The following DYRK1A variants were observed in gnomAD, a reference collection of about 807,000 sequenced individuals.
The protein encoded by DYRK1A is dual specificity tyrosine phosphorylation regulated kinase 1A, also known as dual specificity tyrosine-phosphorylation-regulated kinase 1A.
Under a neutral mutation model 79.7 loss-of-function variants are expected in DYRK1A, and 9 were observed. That is an observed-to-expected ratio of 0.11 (90% CI 0.07 to 0.20). The LOEUF is 0.20. Among genes scored for constraint, DYRK1A ranks in the 10% least tolerant of loss-of-function variants. The pLI, the probability that DYRK1A is intolerant of heterozygous loss-of-function variation, is 1.00. For synonymous variants in DYRK1A, 349 were observed against 329.7 expected (o/e 1.06, Z -0.63); for missense variants, 622 against 956.0 (o/e 0.65, Z 4.61).
At chr21:37,447,998 G>GT (rs1233936151) in intron 2 of DYRK1A, among the ~76,000 whole-genome samples, 1 of 152,176 alleles carries the variant, frequency 6.6e-6, no homozygotes, top group Non-Finnish European at 1.5e-5. Context: ...TCTTCAAGGT[G>GT]TTAAGAGCTG....
At chr21:37,394,002 C>T (rs913777627) in intron 1 of DYRK1A, among the ~76,000 whole-genome samples, 1 of 152,168 alleles carries the variant, frequency 6.6e-6, no homozygotes, top group South Asian at 2.1e-4. Context: ...AAGCCACAGG[C>T]CAGCCCAGAT....
intron 1 of DYRK1A, among the ~76,000 whole-genome samples, chr21:37,413,728 C>G (rs1435467284): frequency 6.6e-6 from 1 of 152,158 alleles, no homozygotes; most frequent in South Asian, 2.1e-4. Flanking sequence ...ATTGGGCCAC[C>G]TCTTCTAAGT....
intron 2 of DYRK1A, among the ~76,000 whole-genome samples, chr21:37,441,579 G>GT (rs1866579312): frequency 6.6e-6 from 1 of 151,756 alleles, no homozygotes; most frequent in South Asian, 2.1e-4. Context: ...AAATTTAGTG[G>GT]TTTCTCTTTA....
chr21:37,428,038 A>T (rs2050675796), intron 2 of DYRK1A, among the ~76,000 whole-genome samples: 1 of 152,164 alleles, frequency 6.6e-6, no homozygotes, highest in Non-Finnish European at 1.5e-5. Context: ...ACTCCTAATG[A>T]TAACTCTGGT....
chr21:37,477,788 G>C (rs367860374), intron 3 of DYRK1A, among the ~76,000 whole-genome samples: 1 of 152,192 alleles, frequency 6.6e-6, no homozygotes, highest in African/African-American at 2.4e-5. Context: ...AGTTGCCTCT[G>C]AGGGCTGGGT....
At chr21:37,412,492 G>A (rs2050262372) in intron 1 of DYRK1A, among the ~76,000 whole-genome samples, 1 of 152,146 alleles carries the variant, frequency 6.6e-6, no homozygotes, top group African/African-American at 2.4e-5. Flanking sequence ...CCTGAATCAG[G>A]ATTTTTGGGA....
intron 2 of DYRK1A, among the ~76,000 whole-genome samples, chr21:37,459,521 T>C (rs1439393121): frequency 9.0e-6 from 1 of 111,266 alleles, no homozygotes; most frequent in Non-Finnish European, 2.0e-5. Context: ...AAGTACTTTC[T>C]GTCTCACAGT....
chr21:37,481,731 C>T (rs989640838), intron 5 of DYRK1A: 5 of 152,054 alleles, frequency 3.3e-5, no homozygotes, highest in South Asian at 2.1e-4. Flanking sequence ...TCGGGTCAGG[C>T]GTGGTGACTC....
intron 1 of DYRK1A, among the ~76,000 whole-genome samples, chr21:37,374,075 C>G (rs914164945): frequency 6.6e-6 from 1 of 152,042 alleles, no homozygotes; most frequent in East Asian, 1.9e-4. Context: ...GATTTTGGGT[C>G]TAATAACAGT....
chr21:37,377,866 C>T (rs1465580621), intron 1 of DYRK1A, among the ~76,000 whole-genome samples: 1 of 152,218 alleles, frequency 6.6e-6, no homozygotes, highest in Non-Finnish European at 1.5e-5. Context: ...TTAAACAATG[C>T]TGGTGCGTAC....
intron 7 of DYRK1A, among the ~76,000 whole-genome samples, chr21:37,490,833 G>A (rs1415674493): frequency 6.6e-6 from 1 of 151,932 alleles, no homozygotes; most frequent in Non-Finnish European, 1.5e-5. Context: ...AAGATTAAGG[G>A]AGAGAATAGG....
At position 37,512,663 on chromosome 21, in the gene DYRK1A, A is replaced by AT. The variant is rs36065358; in HGVS notation, c.*142dup. 0.27 allele frequency: 255,373 copies of AT among 931,850 alleles called. 26,092 individuals are homozygous for AT. The highest frequency in any genetic ancestry group is 0.36 in the African/African-American group (21,278 of 59,268). 57.7% of individuals were successfully genotyped at this position (931,850 alleles called of 1,614,324 possible). The stretch of plus-strand genomic sequence containing the variant: ...GAACCGCTACAAGAGGGCAAAGCTG[A>AT]TTTTTTTTTTAACTTGAAAAGATTG... On this transcript the variant is annotated 3_prime_UTR_variant, in exon 12 of 12. Coordinates refer to ENST00000647188, the MANE Select transcript of DYRK1A (RefSeq NM_001347721.2).
intron 2 of DYRK1A, among the ~76,000 whole-genome samples, chr21:37,441,478 C>T (rs991784060): frequency 2.6e-5 from 4 of 151,786 alleles, no homozygotes; most frequent in South Asian, 2.1e-4. Context: ...TTTCTCCTAC[C>T]GTCTTTTATT....
chr21:37,437,251 G>A (rs1271089893), intron 2 of DYRK1A, among the ~76,000 whole-genome samples: 2 of 152,086 alleles, frequency 1.3e-5, no homozygotes, highest in Non-Finnish European at 2.9e-5. Context: ...AAAAACACAT[G>A]CCCTCCATGA....
chr21:37,367,106 G>C lies in DYRK1A; in HGVS notation c.-599G>C, dbSNP rs1048913157. On this transcript the variant is annotated 5_prime_UTR_variant, in exon 1 of 12. Coordinates refer to ENST00000647188, the MANE Select transcript of DYRK1A (RefSeq NM_001347721.2). ...GTGTGTGCGAGGGAGCGTGTGCGAG[G>C]GCGATTGTGCGCGCGAGTGTGCGGG... is the stretch of plus-strand genomic sequence containing the variant. 6.5e-6 allele frequency: 1 copy of C among 153,778 alleles called. No individual in the cohort carries two copies. Among genetic ancestry groups the C allele is most frequent in the Non-Finnish European group, 1.4e-5 (1 of 68,996 alleles). The allele number at this position is 153,778 out of a possible 1,614,324, so 9.5% of individuals were successfully genotyped here.
intron 8 of DYRK1A, among the ~76,000 whole-genome samples, chr21:37,495,092 C>T (rs1033983389): frequency 6.6e-6 from 1 of 151,656 alleles, no homozygotes; most frequent in African/African-American, 2.4e-5. Flanking sequence ...TAGGCACACT[C>T]ATTTAAAGTA....
chr21:37,520,385 A>G lies in DYRK1A; in HGVS notation c.*7854A>G, dbSNP rs1486805340. 1 of 152,226 alleles carries G rather than the reference A, an allele frequency of 6.6e-6. No homozygotes were observed. The highest frequency in any genetic ancestry group is 1.5e-5 in the Non-Finnish European group (1 of 68,034). 9.4% of individuals were successfully genotyped at this position (152,226 alleles called of 1,614,324 possible). On this transcript the variant is annotated 3_prime_UTR_variant, in exon 12 of 12. Coordinates refer to ENST00000647188, the MANE Select transcript of DYRK1A (RefSeq NM_001347721.2). The stretch of plus-strand genomic sequence containing the variant: ...TGAAATGTAATAGGTTGTAACCCAC[A>G]TTTTGAAAGCAGTAAGGAAATAATT...
At chr21:37,457,267 C>G (rs1303944092) in intron 2 of DYRK1A, among the ~76,000 whole-genome samples, 1 of 152,128 alleles carries the variant, frequency 6.6e-6, no homozygotes, top group Non-Finnish European at 1.5e-5. Flanking sequence ...GAGTCTCACT[C>G]TGTTGCCCAG....
chr21:37,443,237 ACTC>A (rs973803413), intron 2 of DYRK1A, among the ~76,000 whole-genome samples: 22 of 151,450 alleles, frequency 1.5e-4, no homozygotes, highest in Non-Finnish European at 2.7e-4. Flanking sequence ...GCAACCTTCA[ACTC>A]CTCAAGAGAT....
Sources: gnomAD v4.1 joint callset for allele counts (sites outside exome capture counted in the v4.1 genomes callset) on GRCh38, gnomAD v4.1.1 for gene constraint, MANE v1.5 for transcripts, NCBI Gene and HGNC (gene_info 2026-07-23, HGNC 2026-07-21) for gene names.